Variants in LARS2 observed in about 807,000 individuals in gnomAD.
The protein encoded by LARS2 is leucine--tRNA ligase, mitochondrial.
Under a neutral mutation model 116.6 loss-of-function variants are expected in LARS2, and 81 were observed. The ratio of observed to expected loss-of-function variants is 0.69; its 90% CI spans 0.58 to 0.84. LARS2 has a LOEUF of 0.84. Ranked by LOEUF, LARS2 falls within the 40% of genes least tolerant of loss-of-function variation. LARS2 has a pLI of 0.00. For missense variants in LARS2, 968 were observed against 1,114.5 expected, an observed-to-expected ratio of 0.87 and a Z score of 1.87; for synonymous variants, 396 against 407.2, an observed-to-expected ratio of 0.97 and a Z score of 0.33.
Position 45,511,437 on chromosome 3 carries a change from G to A in LARS2, c.1761-1698G>A, listed in dbSNP as rs115110162. ...TAGTGAGGAGACAGTGCCTAGAAGC[G>A]GATGGAAGGTTGATTTCACGTTCTG... On this transcript the variant is annotated intron_variant, in intron 15 of 21. Coordinates refer to ENST00000645846, the MANE Select transcript of LARS2 (RefSeq NM_015340.4). 5.9e-3 allele frequency among the ~76,000 whole-genome samples: 892 copies of A among 152,236 alleles called. 9 individuals carry two copies. The highest frequency in any genetic ancestry group is 0.021 in the African/African-American group (859 of 41,528).
intron 20 of LARS2, among the ~76,000 whole-genome samples, chr3:45,539,302 A>G (rs1575321643): frequency 6.6e-6 from 1 of 152,244 alleles, no homozygotes; most frequent in East Asian, 1.9e-4. Flanking sequence ...GTAATAAAAT[A>G]TCCCTTGTAG....
At chr3:45,434,217 G>A (rs1698765231) in intron 6 of LARS2, among the ~76,000 whole-genome samples, 1 of 152,144 alleles carries the variant, frequency 6.6e-6, no homozygotes, top group Non-Finnish European at 1.5e-5. Flanking sequence ...CTGATGACAT[G>A]CATGTCAGAT....
chr3:45,500,691 T>C, intron 15 of LARS2, 112 bp downstream of exon 15: 1 of 758,700 alleles, frequency 1.3e-6, no homozygotes, highest in Admixed American at 3.4e-5. Context: ...ACTAGTTTTC[T>C]AGTATGCTTT....
chr3:45,424,408 T>C (rs1484778410), intron 6 of LARS2, among the ~76,000 whole-genome samples: 1 of 152,240 alleles, frequency 6.6e-6, no homozygotes, highest in Non-Finnish European at 1.5e-5. Context: ...ATGTAATTTA[T>C]TGGTGTTCTA....
intron 15 of LARS2, among the ~76,000 whole-genome samples, chr3:45,511,895 C>T (rs1325641284): frequency 1.3e-5 from 2 of 151,286 alleles, no homozygotes; most frequent in Admixed American, 6.6e-5. Context: ...CCTGCCTCAG[C>T]CTCCCAAGCA....
At chr3:45,504,545 G>T (rs1700170722) in intron 15 of LARS2, among the ~76,000 whole-genome samples, 1 of 151,904 alleles carries the variant, frequency 6.6e-6, no homozygotes. Context: ...GCATCAGAAG[G>T]ACACTAAAAA....
chr3:45,476,707 T>G (rs1361466585), intron 10 of LARS2, 80 bp downstream of exon 10: 1 of 1,432,086 alleles, frequency 7.0e-7, no homozygotes, highest in Non-Finnish European at 9.7e-7. Flanking sequence ...TCAAGGTCCT[T>G]TCCTCTATGT....
At chr3:45,532,087 G>A (rs892627721) in intron 20 of LARS2, among the ~76,000 whole-genome samples, 1 of 152,118 alleles carries the variant, frequency 6.6e-6, no homozygotes, top group African/African-American at 2.4e-5. Flanking sequence ...TTATGCCATG[G>A]TGTCTGATTA....
At chr3:45,484,452 G>C (rs1444837773) in intron 10 of LARS2, among the ~76,000 whole-genome samples, 1 of 149,372 alleles carries the variant, frequency 6.7e-6, no homozygotes, top group African/African-American at 2.5e-5. Context: ...TACAGTAGTT[G>C]TAATACACTT....
At chr3:45,438,543 T>A (rs1364243752) in intron 6 of LARS2, among the ~76,000 whole-genome samples, 1 of 151,134 alleles carries the variant, frequency 6.6e-6, no homozygotes, top group Non-Finnish European at 1.5e-5. Flanking sequence ...ATGGGCTGGG[T>A]GTGGTGGCTC....
Position 45,540,394 on chromosome 3 carries a change from C to G in LARS2, c.2405-1435C>G, listed in dbSNP as rs7624680. 2.1e-3 allele frequency among the ~76,000 whole-genome samples: 318 copies of G among 152,334 alleles called. 3 individuals are homozygous for G. Among genetic ancestry groups the G allele is most frequent in the African/African-American group, 7.5e-3 (310 of 41,568 alleles). On this transcript the variant is annotated intron_variant, in intron 20 of 21. Coordinates refer to ENST00000645846, the MANE Select transcript of LARS2 (RefSeq NM_015340.4). ...AGATAAAACAAAAAGTTGTCATTCA[C>G]AACCCAGTGTTATTGGGGCTGGTTT...
rs1427354453 is a variant in LARS2 at position 45,548,617 on chromosome 3, A to G, written c.*1087A>G. The G allele has an allele frequency of 1.3e-5, 2 of 152,224 alleles. No homozygotes were observed. The highest frequency in any genetic ancestry group is 4.8e-5 in the African/African-American group (2 of 41,464). 9.4% of individuals were successfully genotyped at this position (152,224 alleles called of 1,614,324 possible). ...GGCACATTAGGCTAATCCTGGTTTT[A>G]TGTGAAGTCAGCAATTAAGTGTTCC... On this transcript the variant is annotated 3_prime_UTR_variant, in exon 22 of 22. Coordinates refer to ENST00000645846, the MANE Select transcript of LARS2 (RefSeq NM_015340.4).
chr3:45,508,051 T>G (rs1434122752), intron 15 of LARS2, among the ~76,000 whole-genome samples: 1 of 151,996 alleles, frequency 6.6e-6, no homozygotes, highest in African/African-American at 2.4e-5. Context: ...TCAGGAAGCC[T>G]TTTCTCTCCC....
At chr3:45,451,625 A>C (rs1175322116) in intron 7 of LARS2, among the ~76,000 whole-genome samples, 1 of 152,034 alleles carries the variant, frequency 6.6e-6, no homozygotes, top group Non-Finnish European at 1.5e-5. Flanking sequence ...ATAATTTGAA[A>C]TCAGGTAGTG....
chr3:45,441,705 A>G (rs1312155169), intron 6 of LARS2, among the ~76,000 whole-genome samples: 1 of 152,176 alleles, frequency 6.6e-6, no homozygotes, highest in Non-Finnish European at 1.5e-5. Flanking sequence ...GCCTTCTTAG[A>G]CTTTATCACT....
chr3:45,484,993 G>C (rs879769173), intron 10 of LARS2, among the ~76,000 whole-genome samples: 25 of 151,950 alleles, frequency 1.6e-4, no homozygotes, highest in Non-Finnish European at 3.4e-4. Context: ...TCCCAAAGAT[G>C]CTTCCCAGGG....
chr3:45,514,317 T>C (rs1700338573), intron 16 of LARS2, among the ~76,000 whole-genome samples: 1 of 152,188 alleles, frequency 6.6e-6, no homozygotes, highest in Admixed American at 6.5e-5. Context: ...TAGTGCATAA[T>C]GGATGAGATT....
chr3:45,426,572 G>T (rs891295008), intron 6 of LARS2, among the ~76,000 whole-genome samples: 2 of 152,176 alleles, frequency 1.3e-5, no homozygotes, highest in African/African-American at 4.8e-5. Flanking sequence ...AGGATGGTTG[G>T]TGTTGACACA....
rs1699265136 is a variant in LARS2, at chr3:45,459,017, G to A, written c.750+131G>A. On this transcript the variant is annotated intron_variant, in intron 8 of 21. Coordinates refer to ENST00000645846, the MANE Select transcript of LARS2 (RefSeq NM_015340.4). ...AAGGGCTGGGAGCCATGGATGTACA[G>A]ACAGGAAGCAGCTGAGCCTCATCAC... 6 of 868,150 alleles carry A rather than the reference G, an allele frequency of 6.9e-6. No homozygotes were observed. The South Asian group carries it at 8.0e-5, about 12-fold the overall frequency. 53.8% of individuals were successfully genotyped at this position (868,150 alleles called of 1,614,324 possible).
Sources: allele counts gnomAD v4.1 joint callset (sites outside exome capture counted in the v4.1 genomes callset), GRCh38; gene constraint gnomAD v4.1.1; transcripts MANE v1.5; gene names NCBI Gene and HGNC (gene_info 2026-07-23, HGNC 2026-07-21).